The following STARD13 variants were observed in gnomAD, a reference collection of about 807,000 sequenced individuals.
STARD13 encodes stAR-related lipid transfer protein 13.
A neutral mutation model predicts 106.4 loss-of-function variants in STARD13; 62 were observed. That is an observed-to-expected ratio of 0.58 (90% CI 0.48 to 0.72). STARD13 has a LOEUF of 0.72. Among genes scored for constraint, STARD13 ranks in the 30% least tolerant of loss-of-function variants. The pLI is 0.00. For synonymous variants in STARD13, 565 were observed against 553.0 expected, an observed-to-expected ratio of 1.02 and a Z score of -0.31; for missense variants, 1,387 against 1,424.0, an observed-to-expected ratio of 0.97 and a Z score of 0.42.
the STARD13 span, among the ~76,000 whole-genome samples, chr13:33,515,712 A>G: frequency 1.3e-5 from 2 of 152,160 alleles, no homozygotes; most frequent in African/African-American, 2.4e-5. Context: ...TATCACTTTT[A>G]TGAAGCCACT....
the STARD13 span, among the ~76,000 whole-genome samples, chr13:33,627,828 G>A: frequency 3.3e-5 from 5 of 152,066 alleles, no homozygotes; most frequent in East Asian, 1.9e-4. Context: ...GGGCTGCACC[G>A]TGGGGCTCCT....
chr13:33,519,276 T>TTTCTTTC, the STARD13 span, among the ~76,000 whole-genome samples: 1 of 135,380 alleles, frequency 7.4e-6, no homozygotes, highest in African/African-American at 2.9e-5. Flanking sequence ...TTCTTTCTTT[T>TTTCTTTC]CTTTCTCTTT....
intron 1 of STARD13, among the ~76,000 whole-genome samples, chr13:33,336,885 A>G (rs1467317390): frequency 6.6e-6 from 1 of 152,198 alleles, no homozygotes; most frequent in Non-Finnish European, 1.5e-5. Flanking sequence ...TTGTCCAGAA[A>G]TATCAGGTTG....
the STARD13 span, among the ~76,000 whole-genome samples, chr13:33,591,203 C>A: frequency 6.6e-6 from 1 of 152,226 alleles, no homozygotes; most frequent in Admixed American, 6.5e-5. Flanking sequence ...GCCTGTTGTT[C>A]TCATGCATCC....
the STARD13 span, among the ~76,000 whole-genome samples, chr13:33,551,445 A>G: frequency 6.6e-6 from 1 of 152,086 alleles, no homozygotes; most frequent in Non-Finnish European, 1.5e-5. Flanking sequence ...GATGGTTAAG[A>G]TGTAATTTCA....
At chr13:33,169,504 A>T (rs1414461493) in intron 1 of STARD13, among the ~76,000 whole-genome samples, 1 of 152,210 alleles carries the variant, frequency 6.6e-6, no homozygotes, top group East Asian at 1.9e-4. Flanking sequence ...CTCCCATATA[A>T]TACAGCGGAT....
At chr13:33,636,368 A>G in the STARD13 span, among the ~76,000 whole-genome samples, 1 of 152,120 alleles carries the variant, frequency 6.6e-6, no homozygotes, top group Non-Finnish European at 1.5e-5. Flanking sequence ...TTTTCTCGCC[A>G]TGACTCTTGC....
At chr13:33,330,441 GT>G (rs2077823688) in intron 1 of STARD13, among the ~76,000 whole-genome samples, 1 of 151,904 alleles carries the variant, frequency 6.6e-6, no homozygotes, top group Admixed American at 6.6e-5. Context: ...TAATCCAGTT[GT>G]TTGTATTTTT....
chr13:33,210,180 G>A (rs969141457), intron 1 of STARD13, among the ~76,000 whole-genome samples: 1 of 152,306 alleles, frequency 6.6e-6, no homozygotes, highest in African/African-American at 2.4e-5. Context: ...TTAAACATCA[G>A]CTCTGCAGAG....
chr13:33,218,359 A>G (rs1888160233), intron 1 of STARD13, among the ~76,000 whole-genome samples: 1 of 152,106 alleles, frequency 6.6e-6, no homozygotes, highest in African/African-American at 2.4e-5. Flanking sequence ...GGTAAGTGAA[A>G]ATGGTACATA....
chr13:33,225,158 G>T (rs1888556635), intron 1 of STARD13, among the ~76,000 whole-genome samples: 1 of 152,106 alleles, frequency 6.6e-6, no homozygotes. Context: ...TCAACATTAT[G>T]AATATCAGAC....
chr13:33,358,313 C>T, the STARD13 span, among the ~76,000 whole-genome samples: 1 of 152,230 alleles, frequency 6.6e-6, no homozygotes, highest in Non-Finnish European at 1.5e-5. Flanking sequence ...GAGCACCACC[C>T]CCTGCTCCAC....
intron 1 of STARD13, among the ~76,000 whole-genome samples, chr13:33,329,319 A>G (rs2077810765): frequency 6.6e-6 from 1 of 152,190 alleles, no homozygotes; most frequent in South Asian, 2.1e-4. Flanking sequence ...TTTAAGGTGT[A>G]CAACGGGATG....
chr13:33,645,372 TACCA>T, the STARD13 span, among the ~76,000 whole-genome samples: 3 of 152,332 alleles, frequency 2.0e-5, no homozygotes, highest in South Asian at 6.2e-4. Context: ...ACAGCCAAGC[TACCA>T]GATGATGTGT....
chr13:33,635,034 C>A, the STARD13 span, among the ~76,000 whole-genome samples: 2 of 152,192 alleles, frequency 1.3e-5, no homozygotes, highest in South Asian at 4.1e-4. Context: ...GCATTCAGGT[C>A]TTTTTAAAGG....
the STARD13 span, among the ~76,000 whole-genome samples, chr13:33,573,609 G>C: frequency 4.5e-4 from 68 of 152,214 alleles, no homozygotes; most frequent in Non-Finnish European, 7.6e-4. Flanking sequence ...CTATATTATG[G>C]TGACAGATAT....
chr13:33,279,544 G>T (rs1891656535), intron 1 of STARD13: 1 of 152,170 alleles, frequency 6.6e-6, no homozygotes, highest in Non-Finnish European at 1.5e-5. Flanking sequence ...GTAACTCCTG[G>T]ACGATTGGCA....
At chr13:33,547,108 G>A in the STARD13 span, among the ~76,000 whole-genome samples, 1 of 152,156 alleles carries the variant, frequency 6.6e-6, no homozygotes, top group Non-Finnish European at 1.5e-5. Context: ...CCCAGTAGAT[G>A]TTTTTCAGCT....
intron 1 of STARD13, among the ~76,000 whole-genome samples, chr13:33,213,729 G>C (rs1208904767): frequency 6.6e-6 from 1 of 152,192 alleles, no homozygotes; most frequent in Non-Finnish European, 1.5e-5. Context: ...CTTCAGGATT[G>C]ATTACCCTAA....
Sources: allele counts gnomAD v4.1 joint callset (sites outside exome capture counted in the v4.1 genomes callset), GRCh38; gene constraint gnomAD v4.1.1; transcripts MANE v1.5; gene names NCBI Gene and HGNC (gene_info 2026-07-23, HGNC 2026-07-21).